NIPAL1: variants seen among roughly 807,000 people sequenced by gnomAD.
NIPAL1 encodes the protein NIPA like domain containing 1, also known as magnesium transporter NIPA3.
In NIPAL1, 35 loss-of-function variants were observed where a neutral mutation model predicts 37.7. That is an observed-to-expected ratio of 0.93 (90% confidence interval 0.71 to 1.23). NIPAL1 has a LOEUF of 1.23. Ranked by LOEUF, NIPAL1 falls within the 50% of genes most tolerant of loss-of-function variation. NIPAL1 has a pLI of 0.00. For synonymous variants in NIPAL1, 162 were observed against 183.0 expected (o/e 0.89, Z 0.93); for missense variants, 412 against 473.9 (o/e 0.87, Z 1.21).
Position 48,036,356 on chromosome 4 carries a change from C to A in NIPAL1, c.*184C>A. On this transcript the variant is annotated 3_prime_UTR_variant, in exon 6 of 6. Coordinates refer to ENST00000295461, the MANE Select transcript of NIPAL1 (RefSeq NM_207330.3). ...TTTGAAAATCAAATTGATTATCCTC[C>A]AGAATCTCTACAAACTTTGAAATAC... The A allele has an allele frequency of 1.8e-6, 1 of 561,970 alleles. No homozygotes were observed. Among genetic ancestry groups the A allele is most frequent in the Non-Finnish European group, 3.1e-6 (1 of 326,802 alleles). The allele number at this position is 561,970 out of a possible 1,614,324, so 34.8% of individuals were successfully genotyped here. A position where few individuals can be genotyped will look rare whatever the true frequency, so the allele number is the denominator to read the frequency against.
At chr4:48,024,598 G>C (rs1353733838) in intron 1 of NIPAL1, among the ~76,000 whole-genome samples, 1 of 152,164 alleles carries the variant, frequency 6.6e-6, no homozygotes, top group Non-Finnish European at 1.5e-5. Context: ...TTCTTGCAAT[G>C]TGATTTCTAG....
chr4:48,026,273 T>C (rs958151101), intron 2 of NIPAL1, among the ~76,000 whole-genome samples: 1 of 152,220 alleles, frequency 6.6e-6, no homozygotes. Context: ...AGATGCTAAG[T>C]AGGTCTACCT....
chr4:48,038,294 A>C lies in NIPAL1; in HGVS notation c.*2122A>C, dbSNP rs1363667386. The stretch of plus-strand genomic sequence containing the variant: ...GGTCAAAAATGTGTTTACTCTGTTG[A>C]TTGCTGTTTCACTTTACTTGTATAT... On this transcript the variant is annotated 3_prime_UTR_variant, in exon 6 of 6. Transcript: ENST00000295461. 6.6e-6 allele frequency: 1 copy of C among 152,158 alleles called. No individual in the cohort carries two copies. The allele number at this position is 152,158 out of a possible 1,614,324, so 9.4% of individuals were successfully genotyped here.
chr4:48,020,216 G>A (rs961563868), intron 1 of NIPAL1, among the ~76,000 whole-genome samples: 2 of 152,162 alleles, frequency 1.3e-5, no homozygotes, highest in African/African-American at 4.8e-5. Flanking sequence ...GCAATATGAT[G>A]TCAGAGACGA....
intron 1 of NIPAL1, among the ~76,000 whole-genome samples, chr4:48,020,646 A>G (rs1380765769): frequency 6.6e-6 from 1 of 152,210 alleles, no homozygotes; most frequent in Non-Finnish European, 1.5e-5. Context: ...ACAGAGATGC[A>G]AATGAGTAAA....
chr4:48,019,981 TG>T (rs1239539635), intron 1 of NIPAL1, among the ~76,000 whole-genome samples: 1 of 152,224 alleles, frequency 6.6e-6, no homozygotes, highest in African/African-American at 2.4e-5. Context: ...ATATATTCCT[TG>T]ATGCTGCTTT....
chr4:48,027,881 A>G lies in NIPAL1; in HGVS notation c.314-2239A>G, dbSNP rs1715726110. Among the ~76,000 whole-genome samples, 1 of 152,178 alleles carries G rather than the reference A, an allele frequency of 6.6e-6. No homozygotes were observed. The highest frequency in any genetic ancestry group is 2.1e-4 in the South Asian group (1 of 4,826). On this transcript the variant is annotated intron_variant, in intron 2 of 5. Transcript: ENST00000295461. The surrounding 1 kb of genome is among the most constrained non-coding windows in gnomAD (Gnocchi z 4.1). Reference sequence around the variant, plus strand: ...TCATTGACTAATCCAAACTCTCAAAAGCTCTTATGTCAACCATCTTCTTCC... The same window carrying G: ...TCATTGACTAATCCAAACTCTCAAAGGCTCTTATGTCAACCATCTTCTTCC...
rs73149642 is a variant in NIPAL1, at chr4:48,036,081, A to C, written c.1142A>C (p.Asn381Thr). 1 of 1,609,906 alleles carries C rather than the reference A, an allele frequency of 6.2e-7. No individual in the cohort carries two copies. Among genetic ancestry groups the C allele is most frequent in the South Asian group, 1.1e-5 (1 of 90,308 alleles). The part of the protein sequence containing the change: ...AKKEAVSLNV[N>T]ENNYVLLENL... ...AAAGAAGCCGTCTCTCTGAATGTCA[A>C]TGAAAACAATTATGTTTTACTAGAG... is the stretch of plus-strand genomic sequence containing the variant. The change falls in exon 6 of 6, where the codon AAT becomes ACT. Residue 381 changes from asparagine to threonine, a missense_variant. Coordinates refer to ENST00000295461, the MANE Select transcript of NIPAL1 (RefSeq NM_207330.3).
In NIPAL1 at chr4:48,038,282, T is replaced by A. The variant is rs1715997813; in HGVS notation, c.*2110T>A. 1 of 152,186 alleles carries A rather than the reference T, an allele frequency of 6.6e-6. No individual in the cohort carries two copies. Among genetic ancestry groups the A allele is most frequent in the African/African-American group, 2.4e-5 (1 of 41,440 alleles). The allele number at this position is 152,186 out of a possible 1,614,324, so 9.4% of individuals were successfully genotyped here. A position where few individuals can be genotyped will look rare whatever the true frequency, so the allele number is the denominator to read the frequency against. On this transcript the variant is annotated 3_prime_UTR_variant, in exon 6 of 6. Transcript: ENST00000295461. ...GTTGATACCTCAGGTCAAAAATGTG[T>A]TTACTCTGTTGATTGCTGTTTCACT...
chr4:48,029,063 TG>T (rs1212300073), intron 2 of NIPAL1, among the ~76,000 whole-genome samples: 1 of 152,174 alleles, frequency 6.6e-6, no homozygotes, highest in Non-Finnish European at 1.5e-5. Context: ...GTCCCACTAC[TG>T]GGTATCTACT....
chr4:48,021,309 A>T (rs376979566), intron 1 of NIPAL1, among the ~76,000 whole-genome samples: 49,258 of 152,020 alleles, frequency 0.32, 8,265 homozygotes, highest in South Asian at 0.48. Context: ...ATTGAGTCAA[A>T]GTCCCTCATT....
Position 48,036,858 on chromosome 4 carries a change from G to C in NIPAL1, c.*686G>C, listed in dbSNP as rs1221674453. 1.3e-5 allele frequency: 2 copies of C among 152,912 alleles called. No homozygotes were observed. Among genetic ancestry groups the C allele is most frequent in the Non-Finnish European group, 2.9e-5 (2 of 68,580 alleles). 9.5% of individuals were successfully genotyped at this position (152,912 alleles called of 1,614,324 possible). On this transcript the variant is annotated 3_prime_UTR_variant, in exon 6 of 6. Transcript: ENST00000295461. ...TGGGAGGATTGCTTGAGTCTGCGAGGTTGGGGCTGCCGTGAGCCCAGATTG... is the reference window on the plus strand; with the variant it reads ...TGGGAGGATTGCTTGAGTCTGCGAGCTTGGGGCTGCCGTGAGCCCAGATTG...
intron 2 of NIPAL1, among the ~76,000 whole-genome samples, chr4:48,029,691 G>A (rs918408240): frequency 1.3e-5 from 2 of 152,110 alleles, no homozygotes; most frequent in Admixed American, 6.5e-5. Context: ...AATTTGCAAA[G>A]TTTTTAAAAA....
rs1715979511 is a variant in NIPAL1, at chr4:48,037,463, A to G, written c.*1291A>G. The G allele has an allele frequency of 5.1e-6, 1 of 197,564 alleles. No individual in the cohort carries two copies. The highest frequency in any genetic ancestry group is 7.3e-5 in the South Asian group (1 of 13,738). 12.2% of individuals were successfully genotyped at this position (197,564 alleles called of 1,614,324 possible). On this transcript the variant is annotated 3_prime_UTR_variant, in exon 6 of 6. Transcript: ENST00000295461. ...TAAAAGATTGCTACATTATTTCAGG[A>G]TTATATCCTACATTTCGATTGCTCT... is the stretch of plus-strand genomic sequence containing the variant.
intron 5 of NIPAL1, among the ~76,000 whole-genome samples, chr4:48,035,278 CAT>C (rs1311553153): frequency 6.6e-6 from 1 of 152,160 alleles, no homozygotes; most frequent in Non-Finnish European, 1.5e-5. Context: ...AGGCAAAAGA[CAT>C]ATATTCAAAA....
chr4:48,023,543 G>T (rs1200344679), intron 1 of NIPAL1, among the ~76,000 whole-genome samples: 2 of 152,072 alleles, frequency 1.3e-5, no homozygotes, highest in Non-Finnish European at 2.9e-5. Context: ...ACCCTCTTTT[G>T]TTTAGGGTAA....
rs751266301 is a variant in NIPAL1, at chr4:48,034,955, T to G, written c.536T>G (p.Leu179Trp). 4 of 1,612,002 alleles carry G rather than the reference T, an allele frequency of 2.5e-6. No homozygotes were observed. Among genetic ancestry groups the G allele is most frequent in the Non-Finnish European group, 3.4e-6 (4 of 1,178,040 alleles). Reference protein sequence around the residue: ...HGKIGCILSILGSTVMVIHAP... With the variant: ...HGKIGCILSIWGSTVMVIHAP... ...AAAATAGGCTGCATATTAAGTATAT[T>G]GGGGTCAACTGTGATGGTTATCCAT... is the stretch of plus-strand genomic sequence containing the variant. The change falls in exon 5 of 6, where the codon TTG (leucine) becomes TGG (tryptophan). Residue 179 changes from leucine to tryptophan, a missense_variant. By Grantham distance (61) the Leu-to-Trp change is moderately conservative. Coordinates refer to ENST00000295461, the MANE Select transcript of NIPAL1 (RefSeq NM_207330.3).
intron 1 of NIPAL1, 109 bp downstream of exon 1, chr4:48,016,994 A>G (rs1358660495): frequency 1.1e-6 from 1 of 883,576 alleles, no homozygotes; most frequent in African/African-American, 1.7e-5. Context: ...TACCGACTCT[A>G]AACGTAGTCG....
chr4:48,028,019 T>C (rs13120847), intron 2 of NIPAL1, among the ~76,000 whole-genome samples: 50,564 of 152,054 alleles, frequency 0.33, 8,658 homozygotes, highest in South Asian at 0.48. Context: ...GACATAAATA[T>C]GGTGAACCTG....
Sources: gnomAD v4.1 joint callset for allele counts (sites outside exome capture counted in the v4.1 genomes callset) on GRCh38, gnomAD v4.1.1 for gene constraint, Gnocchi (gnomAD v3.1) non-coding constraint, MANE v1.5 for transcripts, NCBI Gene and HGNC (gene_info 2026-07-23, HGNC 2026-07-21) for gene names.